Variants in SUSD6 observed in about 807,000 individuals in gnomAD.
SUSD6 encodes the protein sushi domain containing 6, also known as sushi domain-containing protein 6.
A neutral mutation model predicts 28.4 loss-of-function variants in SUSD6; 16 were observed. The observed-to-expected ratio is 0.56, with a 90% CI of 0.38 to 0.86. The LOEUF (loss-of-function observed/expected upper bound fraction) is 0.86. Ranked by LOEUF, SUSD6 falls within the 40% of genes least tolerant of loss-of-function variation. The pLI is 0.00. For synonymous variants in SUSD6, 147 were observed against 159.6 expected, an observed-to-expected ratio of 0.92 and a Z score of 0.59; for missense variants, 341 against 384.2, an observed-to-expected ratio of 0.89 and a Z score of 0.94.
In SUSD6 at chr14:69,640,324, C is replaced by T. The variant is rs141308302; in HGVS notation, c.-80-18189C>T. On this transcript the variant is annotated intron_variant, in intron 1 of 5. Transcript: ENST00000342745. ...AAAAATTTATATATATATACACACA[C>T]ACATATAATATATAATATATATATT... is the stretch of plus-strand genomic sequence containing the variant. 2.0e-5 allele frequency among the ~76,000 whole-genome samples: 3 copies of T among 151,930 alleles called. No individual in the cohort carries two copies. The East Asian group carries it at 5.8e-4, about 29-fold the overall frequency.
intron 1 of SUSD6, among the ~76,000 whole-genome samples, chr14:69,630,330 G>C: frequency 6.6e-6 from 1 of 152,210 alleles, no homozygotes; most frequent in East Asian, 1.9e-4. Context: ...TCTCCCCCAA[G>C]TGAAGGCAGC....
At chr14:69,650,748 G>A (rs1034916721) in intron 1 of SUSD6, among the ~76,000 whole-genome samples, 1 of 151,600 alleles carries the variant, frequency 6.6e-6, no homozygotes, top group African/African-American at 2.4e-5. Flanking sequence ...TGCAGAGGCT[G>A]GGTTTTGTTG....
At chr14:69,700,191 C>G (rs116540732) in intron 2 of SUSD6, among the ~76,000 whole-genome samples, 1,969 of 152,208 alleles carry the variant, frequency 0.013, 43 homozygotes, top group African/African-American at 0.045. Flanking sequence ...TCAGGCTGCT[C>G]TTTGTTAGAA....
At chr14:69,666,314 G>A (rs1885741240) in intron 2 of SUSD6, among the ~76,000 whole-genome samples, 1 of 152,156 alleles carries the variant, frequency 6.6e-6, no homozygotes, top group African/African-American at 2.4e-5. Flanking sequence ...TGAACTATTT[G>A]TTCTCTTCAG....
chr14:69,705,402 G>A (rs114146120), intron 4 of SUSD6, among the ~76,000 whole-genome samples: 453 of 152,072 alleles, frequency 3.0e-3, no homozygotes, highest in African/African-American at 0.01. Flanking sequence ...TTCTCAAAGC[G>A]TGGTTCCAGC....
intron 2 of SUSD6, among the ~76,000 whole-genome samples, chr14:69,689,203 TCAGAAC>T (rs1280346351): frequency 6.6e-6 from 1 of 152,230 alleles, no homozygotes; most frequent in Non-Finnish European, 1.5e-5. Context: ...TAATCCTTCT[TCAGAAC>T]TTTCTGTAGC....
At chr14:69,659,466 AC>A (rs995971180) in intron 2 of SUSD6, among the ~76,000 whole-genome samples, 3 of 152,202 alleles carry the variant, frequency 2.0e-5, no homozygotes, top group Non-Finnish European at 2.9e-5. Flanking sequence ...GGTGAGCTGG[AC>A]GGGCCCTAGC....
chr14:69,664,139 C>T (rs1885704096), intron 2 of SUSD6, among the ~76,000 whole-genome samples: 1 of 152,072 alleles, frequency 6.6e-6, no homozygotes, highest in Non-Finnish European at 1.5e-5. Context: ...CCACCACGCC[C>T]AGCTAATGTT....
intron 1 of SUSD6, among the ~76,000 whole-genome samples, chr14:69,654,410 C>T (rs1171585866): frequency 2.0e-5 from 3 of 152,172 alleles, no homozygotes; most frequent in African/African-American, 7.2e-5. Context: ...GTTAAAGGTA[C>T]AGTCATAGCA....
intron 1 of SUSD6, among the ~76,000 whole-genome samples, chr14:69,626,544 C>T (rs570332387): frequency 4.8e-4 from 73 of 152,234 alleles, no homozygotes; most frequent in African/African-American, 1.7e-3. Context: ...TTTCATTTTT[C>T]GTTGTAGATA....
chr14:69,640,577 T>C (rs767488689), intron 1 of SUSD6, among the ~76,000 whole-genome samples: 3 of 152,258 alleles, frequency 2.0e-5, no homozygotes, highest in South Asian at 2.1e-4. Flanking sequence ...CCTTGAGTGA[T>C]CCTTCTGCCT....
intron 2 of SUSD6, among the ~76,000 whole-genome samples, chr14:69,695,259 CT>C (rs556532305): frequency 3.7e-4 from 57 of 152,336 alleles, no homozygotes; most frequent in African/African-American, 1.3e-3. Flanking sequence ...CCAGGTATCT[CT>C]TAAGTAGTGG....
chr14:69,626,963 GC>G (rs1348713693), intron 1 of SUSD6, among the ~76,000 whole-genome samples: 1 of 151,982 alleles, frequency 6.6e-6, no homozygotes, highest in Admixed American at 6.5e-5. Flanking sequence ...GGGATTACAG[GC>G]ATGAGCCACT....
intron 1 of SUSD6, among the ~76,000 whole-genome samples, chr14:69,619,665 G>A (rs1267408330): frequency 6.6e-6 from 1 of 152,058 alleles, no homozygotes; most frequent in East Asian, 1.9e-4. Flanking sequence ...CAGCTACTTG[G>A]GAGGCTGAAG....
Position 69,711,202 on chromosome 14 carries a change from C to G in SUSD6, c.*223C>G. ...ACAGCTGGAGGAGCTGGCTCTTTGCCTGGCCCCGCCTTCCCATCTGTCAGA... is the reference window on the plus strand; with the variant it reads ...ACAGCTGGAGGAGCTGGCTCTTTGCGTGGCCCCGCCTTCCCATCTGTCAGA... On this transcript the variant is annotated 3_prime_UTR_variant, in exon 6 of 6. Transcript: ENST00000342745. 1.7e-6 allele frequency: 1 copy of G among 582,264 alleles called. No homozygotes were observed. Among genetic ancestry groups the G allele is most frequent in the Non-Finnish European group, 3.1e-6 (1 of 326,038 alleles). The allele number at this position is 582,264 out of a possible 1,614,324, so 36.1% of individuals were successfully genotyped here.
chr14:69,696,495 A>G (rs1191861698), intron 2 of SUSD6, among the ~76,000 whole-genome samples: 1 of 152,248 alleles, frequency 6.6e-6, no homozygotes, highest in Non-Finnish European at 1.5e-5. Context: ...GTAGAAATAT[A>G]ACCTTTATAT....
intron 2 of SUSD6, among the ~76,000 whole-genome samples, chr14:69,667,389 T>G (rs1885758500): frequency 1.4e-5 from 2 of 146,278 alleles, no homozygotes; most frequent in African/African-American, 2.5e-5. Flanking sequence ...TTTTTTTTTT[T>G]TTTTTGAGAC....
chr14:69,695,780 G>T (rs1284264921), intron 2 of SUSD6, among the ~76,000 whole-genome samples: 1 of 152,202 alleles, frequency 6.6e-6, no homozygotes, highest in Non-Finnish European at 1.5e-5. Flanking sequence ...AGGGTTTTTT[G>T]TGAAACTTAA....
At chr14:69,625,661 T>C (rs559721049) in intron 1 of SUSD6, among the ~76,000 whole-genome samples, 2 of 152,232 alleles carry the variant, frequency 1.3e-5, no homozygotes, top group African/African-American at 4.8e-5. Flanking sequence ...ACCACATCCT[T>C]TTTCCACCTT....
Sources: gnomAD v4.1 joint callset for allele counts (sites outside exome capture counted in the v4.1 genomes callset) on GRCh38, gnomAD v4.1.1 for gene constraint, MANE v1.5 for transcripts, NCBI Gene and HGNC (gene_info 2026-07-23, HGNC 2026-07-21) for gene names.